Variants in SPECC1 observed in about 807,000 individuals in gnomAD.
SPECC1 encodes sperm antigen with calponin homology and coiled-coil domains 1, also known as cytospin-B.
A neutral mutation model predicts 104.1 loss-of-function variants in SPECC1; 62 were observed. That is an observed-to-expected ratio of 0.60 (90% CI 0.49 to 0.74). SPECC1 has a LOEUF of 0.74. Among genes scored for constraint, SPECC1 ranks in the 30% least tolerant of loss-of-function variants. The probability of loss-of-function intolerance (pLI) is 0.00; values close to 1 mark genes in which losing one functional copy is unlikely to be tolerated. For synonymous variants in SPECC1, 513 were observed against 501.6 expected, an observed-to-expected ratio of 1.02 and a Z score of -0.30; for missense variants, 1,306 against 1,310.5, an observed-to-expected ratio of 1.00 and a Z score of 0.05.
At chr17:20,117,703 CA>C (rs1157847856) in intron 3 of SPECC1, among the ~76,000 whole-genome samples, 201 of 59,598 alleles carry the variant, frequency 3.4e-3, no homozygotes, top group Middle Eastern at 0.011. Context: ...ATGATTGTCT[CA>C]AAAAAAAAAA....
chr17:20,220,547 A>C (rs2151428162), intron 4 of SPECC1, among the ~76,000 whole-genome samples: 1 of 136,232 alleles, frequency 7.3e-6, no homozygotes, highest in African/African-American at 2.8e-5. Context: ...TGAATTTATC[A>C]GTTCTTAATA....
intron 13 of SPECC1, among the ~76,000 whole-genome samples, chr17:20,303,283 A>G (rs1183731068): frequency 6.6e-6 from 1 of 152,216 alleles, no homozygotes; most frequent in Admixed American, 6.5e-5. Flanking sequence ...AATGGAAGGA[A>G]GCCAGGAGTT....
rs552051319 is a variant in SPECC1, at chr17:20,232,412, C to T, written c.2351+7C>T. The T allele has an allele frequency of 2.6e-5, 42 of 1,600,594 alleles. 1 individual carries two copies. The South Asian group carries it at 4.5e-4, about 17-fold the overall frequency. ...CCAGCAGAGCCGCCCCTCCGTGAGT[C>T]TGGTGGGCACCAGGGCCGTGCTTGC... On this transcript the variant is annotated splice_region_variant and intron_variant, in intron 7 of 14. Coordinates refer to ENST00000395527, the MANE Select transcript of SPECC1 (RefSeq NM_001243439.2).
At chr17:20,254,861 AC>A (rs2039766778) in intron 10 of SPECC1, among the ~76,000 whole-genome samples, 1 of 152,116 alleles carries the variant, frequency 6.6e-6, no homozygotes, top group Non-Finnish European at 1.5e-5. Flanking sequence ...CTATGAGGGA[AC>A]TTTCCCCTCT....
intron 10 of SPECC1, among the ~76,000 whole-genome samples, chr17:20,256,699 G>A (rs966041369): frequency 6.6e-6 from 1 of 152,064 alleles, no homozygotes; most frequent in Non-Finnish European, 1.5e-5. Flanking sequence ...CTCCTGTTCC[G>A]CACTTTTATG....
chr17:20,175,226 C>T (rs995626318), intron 3 of SPECC1, among the ~76,000 whole-genome samples: 1 of 152,182 alleles, frequency 6.6e-6, no homozygotes, highest in African/African-American at 2.4e-5. Flanking sequence ...ACGTTAGAAC[C>T]CCTCACCACC....
intron 3 of SPECC1, among the ~76,000 whole-genome samples, chr17:20,203,756 G>T (rs2703803): frequency 0.43 from 64,897 of 152,084 alleles, 14,473 homozygotes; most frequent in East Asian, 0.8. Flanking sequence ...TATCAGTGCA[G>T]ATGTACTAAA....
At chr17:20,302,158 A>G (rs529793798) in intron 13 of SPECC1, among the ~76,000 whole-genome samples, 1 of 152,106 alleles carries the variant, frequency 6.6e-6, no homozygotes, top group Non-Finnish European at 1.5e-5. Flanking sequence ...GAGAGGGGGA[A>G]CTCTAGGATT....
At chr17:20,144,803 CAAAG>C (rs1567875362) in intron 3 of SPECC1, among the ~76,000 whole-genome samples, 2 of 152,068 alleles carry the variant, frequency 1.3e-5, no homozygotes, top group African/African-American at 2.4e-5. Flanking sequence ...ACCAAGGTCT[CAAAG>C]AAGGCAGTGG....
intron 3 of SPECC1, among the ~76,000 whole-genome samples, chr17:20,163,616 A>G (rs1226653977): frequency 6.7e-6 from 1 of 149,040 alleles, no homozygotes; most frequent in African/African-American, 2.5e-5. Flanking sequence ...GCTGGAGTGC[A>G]GTGGCAGGGT....
chr17:20,149,979 C>T (rs2031833276), intron 3 of SPECC1, among the ~76,000 whole-genome samples: 1 of 151,198 alleles, frequency 6.6e-6, no homozygotes, highest in East Asian at 1.9e-4. Flanking sequence ...TTCTTTTCTT[C>T]TTTTTTTTTC....
chr17:20,020,318 T>G (rs1308419137), intron 1 of SPECC1, among the ~76,000 whole-genome samples: 1 of 152,116 alleles, frequency 6.6e-6, no homozygotes, highest in Non-Finnish European at 1.5e-5. Flanking sequence ...TCTAGTTTCC[T>G]CCCTTTCTCT....
intron 2 of SPECC1, among the ~76,000 whole-genome samples, chr17:20,109,358 G>T (rs2048373100): frequency 1.3e-5 from 2 of 152,210 alleles, no homozygotes; most frequent in Admixed American, 6.5e-5. Flanking sequence ...TTGGGCAGCT[G>T]CCTTCTCCAG....
At chr17:20,113,076 G>A in intron 3 of SPECC1, 4 of 709,784 alleles carry the variant, frequency 5.6e-6, no homozygotes, top group Non-Finnish European at 7.6e-6. Context: ...TTGTCTAGAA[G>A]AAATAACACT....
intron 11 of SPECC1, 27 bp downstream of exon 11, chr17:20,257,634 CAG>C (rs893795834): frequency 6.2e-7 from 1 of 1,608,366 alleles, no homozygotes; most frequent in Admixed American, 1.7e-5. Context: ...AATAAGAAAT[CAG>C]AAAAACATCG....
chr17:20,096,701 A>G lies in SPECC1; in HGVS notation c.50A>G (p.His17Arg). The stretch of plus-strand genomic sequence containing the variant: ...AACCCAGCCATCAGAGCAGGGGGCC[A>G]CGGCCCAGACCGGGTGCGGCCTCTG... The part of the protein sequence containing the change: ...PWNPAIRAGG[H>R]GPDRVRPLPA... The change falls in exon 2 of 15, where the codon CAC becomes CGC. Residue 17 changes from histidine (H) to arginine (R), a missense_variant. Physicochemically the swap from His to Arg is conservative, Grantham distance 29 (BLOSUM62 0). Transcript: ENST00000395527. 6.2e-7 allele frequency: 1 copy of G among 1,614,212 alleles called. No individual in the cohort carries two copies. The highest frequency in any genetic ancestry group is 1.3e-5 in the African/African-American group (1 of 75,074).
intron 3 of SPECC1, among the ~76,000 whole-genome samples, chr17:20,145,325 G>A (rs2031336077): frequency 6.6e-6 from 1 of 152,202 alleles, no homozygotes; most frequent in Non-Finnish European, 1.5e-5. Flanking sequence ...CGGATTCGCT[G>A]GATTGTAACA....
chr17:20,205,266 A>C lies in SPECC1; in HGVS notation c.1217A>C (p.Gln406Pro). 1 of 1,614,224 alleles carries C rather than the reference A, an allele frequency of 6.2e-7. No homozygotes were observed. Among genetic ancestry groups the C allele is most frequent in the South Asian group, 1.1e-5 (1 of 91,086 alleles). Residue 406 changes from glutamine (Q) to proline (P), a missense_variant, in exon 4 of 15, where the codon CAG becomes CCG. Physicochemically the swap from Gln to Pro is moderately conservative, Grantham distance 76. This residue lies in a region of SPECC1 where 1,177 missense variants were observed against 1,139.9 expected (regional missense o/e 1.03). Transcript: ENST00000395527. The stretch of plus-strand genomic sequence containing the variant: ...TTATCAGACCAGCAACAAATGGTAC[A>C]GGAATTGACAGCTGAAAATGAGAAG... ...QELSDQQQMV[Q>P]ELTAENEKLV...
chr17:20,294,608 G>C (rs1178848229), intron 12 of SPECC1, among the ~76,000 whole-genome samples: 1 of 151,408 alleles, frequency 6.6e-6, no homozygotes, highest in Non-Finnish European at 1.5e-5. Context: ...TGATGGTCAT[G>C]GTTATGAAGG....
Sources: gnomAD v4.1 joint callset for allele counts (sites outside exome capture counted in the v4.1 genomes callset) on GRCh38, gnomAD v4.1.1 for gene constraint, gnomAD v4.1.1 regional missense constraint, MANE v1.5 for transcripts, NCBI Gene and HGNC (gene_info 2026-07-23, HGNC 2026-07-21) for gene names.